Variants in TNIK observed in about 807,000 individuals in gnomAD.
TNIK encodes TRAF2 and NCK interacting kinase.
TNIK carries 49 observed loss-of-function variants against 191.3 expected under a neutral mutation model. The observed-to-expected ratio is 0.26, with a 90% CI of 0.20 to 0.32. The LOEUF (loss-of-function observed/expected upper bound fraction) is 0.32, where lower values mean the gene tolerates loss of function less well. Ranked by LOEUF, TNIK falls within the 10% of genes least tolerant of loss-of-function variation. The pLI, the probability that TNIK is intolerant of heterozygous loss-of-function variation, is 1.00. For missense variants in TNIK, 1,155 were observed against 1,702.3 expected (o/e 0.68, Z 5.66); for synonymous variants, 594 against 600.9 (o/e 0.99, Z 0.17).
intron 32 of TNIK, among the ~76,000 whole-genome samples, chr3:171,065,329 G>A (rs975034401): frequency 6.6e-6 from 1 of 152,204 alleles, no homozygotes; most frequent in Non-Finnish European, 1.5e-5. Flanking sequence ...GTTGAATATA[G>A]TTTAGGCCCA....
chr3:171,206,953 T>C (rs1740168087), intron 4 of TNIK, among the ~76,000 whole-genome samples: 1 of 152,120 alleles, frequency 6.6e-6, no homozygotes, highest in Non-Finnish European at 1.5e-5. Context: ...AATAGCTAGG[T>C]GTGGCTCATC....
intron 21 of TNIK, among the ~76,000 whole-genome samples, chr3:171,106,247 A>G (rs958236085): frequency 1.3e-5 from 2 of 152,156 alleles, no homozygotes; most frequent in Non-Finnish European, 2.9e-5. Flanking sequence ...TTTCACACAC[A>G]TTACCTTAAA....
intron 28 of TNIK, among the ~76,000 whole-genome samples, chr3:171,075,713 G>GT (rs529576881): frequency 0.03 from 4,276 of 143,706 alleles, 185 homozygotes; most frequent in African/African-American, 0.09. Flanking sequence ...GACATTAAAC[G>GT]TTTTTTTTTT....
rs1395542775 is a variant in TNIK, at chr3:171,366,022, T to C, written c.123+3598A>G. ...TGTAGTGGTATCTTACCAGTAAACA[T>C]TAAACAATTATTTCAATTTATTAAA... is the stretch of plus-strand genomic sequence containing the variant. On this transcript the variant is annotated intron_variant, in intron 2 of 32. Transcript: ENST00000436636. The surrounding 1 kb of genome is among the most constrained non-coding windows in gnomAD (Gnocchi z 4.1). Among the ~76,000 whole-genome samples the C allele has an allele frequency of 2.0e-5, 3 of 152,198 alleles. No individual in the cohort carries two copies. The highest frequency in any genetic ancestry group is 2.9e-5 in the Non-Finnish European group (2 of 68,024).
chr3:171,288,637 T>A (rs1751324106), intron 2 of TNIK, among the ~76,000 whole-genome samples: 1 of 152,012 alleles, frequency 6.6e-6, no homozygotes. Flanking sequence ...TAAAACCCCG[T>A]CTCTACTAAA....
chr3:171,264,072 A>T (rs1313800351), intron 2 of TNIK, among the ~76,000 whole-genome samples: 1 of 54,078 alleles, frequency 1.8e-5, no homozygotes, highest in African/African-American at 7.0e-5. Flanking sequence ...ATACATACAC[A>T]CACACACACA....
At chr3:171,271,433 C>T (rs1300068622) in intron 2 of TNIK, among the ~76,000 whole-genome samples, 1 of 152,098 alleles carries the variant, frequency 6.6e-6, no homozygotes, top group Admixed American at 6.5e-5. Context: ...CAATACACAC[C>T]CTCTAACTCA....
At chr3:171,244,076 T>C (rs2109051222) in intron 2 of TNIK, among the ~76,000 whole-genome samples, 1 of 150,578 alleles carries the variant, frequency 6.6e-6, no homozygotes, top group East Asian at 1.9e-4. Flanking sequence ...TTTTTTTTTT[T>C]TTAAGACAGA....
At chr3:171,381,180 T>C (rs1559999676) in intron 1 of TNIK, among the ~76,000 whole-genome samples, 1 of 152,212 alleles carries the variant, frequency 6.6e-6, no homozygotes, top group Non-Finnish European at 1.5e-5. Context: ...TTATACCATC[T>C]GTTCAAGGAT....
At chr3:171,447,203 A>G (rs1037938877) in intron 1 of TNIK, among the ~76,000 whole-genome samples, 1 of 151,966 alleles carries the variant, frequency 6.6e-6, no homozygotes, top group Non-Finnish European at 1.5e-5. Flanking sequence ...ACAAACAAAT[A>G]AATAAATAAA....
intron 2 of TNIK, among the ~76,000 whole-genome samples, chr3:171,257,489 A>C (rs1186960295): frequency 6.8e-6 from 1 of 146,232 alleles, no homozygotes; most frequent in Non-Finnish European, 1.5e-5. Flanking sequence ...TTCATGACAT[A>C]ATAACTATTG....
rs1560066681 is a variant in TNIK at position 171,068,818 on chromosome 3, GCCCTTGAAAGT to G, written c.3699+19_3699+29del. 1.9e-6 allele frequency: 3 copies of G among 1,598,460 alleles called. No individual in the cohort carries two copies. The highest frequency in any genetic ancestry group is 2.6e-6 in the Non-Finnish European group (3 of 1,172,144). The stretch of plus-strand genomic sequence containing the variant: ...CTACATGCAGGCTGTTGTACAGAGA[GCCCTTGAAAGT>G]CTACTTCTGAGTACTTACATGAGAT... On this transcript the variant is annotated intron_variant, in intron 30 of 32. Transcript: ENST00000436636.
chr3:171,347,633 C>A lies in TNIK; in HGVS notation c.123+21987G>T, dbSNP rs11922986. ...TTAGCGTACAATACCCAGGAGTCATCGGAGCAGCAGCAATTTGGGGGAACT... is the reference window on the plus strand; with the variant it reads ...TTAGCGTACAATACCCAGGAGTCATAGGAGCAGCAGCAATTTGGGGGAACT... On this transcript the variant is annotated intron_variant, in intron 2 of 32. Coordinates refer to ENST00000436636, the MANE Select transcript of TNIK (RefSeq NM_015028.4). Among the ~76,000 whole-genome samples, 545 of 152,192 alleles carry A rather than the reference C, an allele frequency of 3.6e-3. 4 individuals are homozygous for A. The highest frequency in any genetic ancestry group is 0.013 in the African/African-American group (521 of 41,522).
intron 19 of TNIK, 133 bp downstream of exon 19, chr3:171,110,581 A>G (rs934867326): frequency 8.5e-7 from 1 of 1,180,784 alleles, no homozygotes; most frequent in Non-Finnish European, 1.2e-6. Context: ...GGTTGAGAGC[A>G]GTTGACAGGC....
intron 30 of TNIK, 141 bp downstream of exon 30, chr3:171,068,707 G>T: frequency 1.5e-6 from 1 of 689,352 alleles, no homozygotes; most frequent in African/African-American, 1.9e-5. Flanking sequence ...ATTAAAAGCA[G>T]TATACTTAAT....
At chr3:171,109,982 A>G (rs9790304) in intron 19 of TNIK, among the ~76,000 whole-genome samples, 83,750 of 151,532 alleles carry the variant, frequency 0.55, 23,427 homozygotes, top group East Asian at 0.68. Flanking sequence ...TTGGCTCACC[A>G]CAACCTCTGC....
rs1465195771 is a variant in TNIK at position 171,058,690 on chromosome 3, C to G, written c.*5191G>C. 6.6e-6 allele frequency among the ~76,000 whole-genome samples: 1 copy of G among 152,124 alleles called. No homozygotes were observed. The highest frequency in any genetic ancestry group is 2.4e-5 in the African/African-American group (1 of 41,432). ...AGCAAATGTTTGACAATTTAAAATA[C>G]TTTTGAAAACTGGAGATTTAAAAAA... On this transcript the variant is annotated 3_prime_UTR_variant, in exon 33 of 33. Transcript: ENST00000436636.
intron 1 of TNIK, among the ~76,000 whole-genome samples, chr3:171,438,828 T>C (rs781731256): frequency 6.6e-6 from 1 of 152,114 alleles, no homozygotes; most frequent in Non-Finnish European, 1.5e-5. Flanking sequence ...CCACCACTTG[T>C]GGTGGGATCA....
chr3:171,101,705 G>A, intron 21 of TNIK, 72 bp from the exon 22 acceptor site: 1 of 1,485,564 alleles, frequency 6.7e-7, no homozygotes, highest in Non-Finnish European at 9.1e-7. Context: ...GCAAGTCAGT[G>A]CTCCAGCTTA....
Sources: gnomAD v4.1 joint callset for allele counts (sites outside exome capture counted in the v4.1 genomes callset) on GRCh38, gnomAD v4.1.1 for gene constraint, Gnocchi (gnomAD v3.1) non-coding constraint, MANE v1.5 for transcripts, NCBI Gene and HGNC (gene_info 2026-07-23, HGNC 2026-07-21) for gene names.